GRM5: variants seen among roughly 807,000 people sequenced by gnomAD.
GRM5 encodes the protein glutamate metabotropic receptor 5.
GRM5 carries 19 observed loss-of-function variants against 83.1 expected under a neutral mutation model. The observed-to-expected ratio is 0.23, with a 90% confidence interval of 0.16 to 0.34. The LOEUF is 0.34. Among genes scored for constraint, GRM5 ranks in the 10% least tolerant of loss-of-function variants. GRM5 has a pLI of 1.00. For synonymous variants in GRM5, 675 were observed against 633.6 expected (o/e 1.07, Z -0.98); for missense variants, 1,160 against 1,588.3 (o/e 0.73, Z 4.58).
rs71470773 is a variant in GRM5 at position 88,687,310 on chromosome 11, TA to T, written c.912-33908del. Among the ~76,000 whole-genome samples, 74 of 148,432 alleles carry T rather than the reference TA, an allele frequency of 5.0e-4. 1 individual carries two copies. Among genetic ancestry groups the T allele is most frequent in the African/African-American group, 1.7e-3 (70 of 40,260 alleles). On this transcript the variant is annotated intron_variant, in intron 3 of 9. Coordinates refer to ENST00000305447, the MANE Select transcript of GRM5 (RefSeq NM_001143831.3). ...TAACATGGTGAAACCCTGTCTCTACTAAAAAAAATACAAAAAATTAGCCGGG... is the reference window on the plus strand; with the variant it reads ...TAACATGGTGAAACCCTGTCTCTACTAAAAAAATACAAAAAATTAGCCGGG...
intron 2 of GRM5, among the ~76,000 whole-genome samples, chr11:88,878,869 C>T (rs1944902461): frequency 1.3e-5 from 2 of 152,060 alleles, no homozygotes. Context: ...CCATTTAGGG[C>T]TTTCTGGAAA....
At chr11:89,022,486 C>CAAAA (rs10573194) in intron 2 of GRM5, among the ~76,000 whole-genome samples, 5 of 126,062 alleles carry the variant, frequency 4.0e-5, no homozygotes, top group African/African-American at 1.4e-4. Context: ...ACTAAAAATA[C>CAAAA]AAAAAAAAAA....
intron 3 of GRM5, among the ~76,000 whole-genome samples, chr11:88,736,442 A>C (rs1463412345): frequency 6.6e-6 from 1 of 152,040 alleles, no homozygotes; most frequent in Non-Finnish European, 1.5e-5. Flanking sequence ...CTAGATGTGT[A>C]TATCTTAGTC....
chr11:88,737,273 T>C (rs891136088), intron 3 of GRM5, among the ~76,000 whole-genome samples: 1 of 152,082 alleles, frequency 6.6e-6, no homozygotes, highest in Non-Finnish European at 1.5e-5. Context: ...GGTCTCAACC[T>C]TTTCACAGAC....
intron 2 of GRM5, among the ~76,000 whole-genome samples, chr11:89,039,278 A>AATATAT (rs201313831): frequency 1.3e-5 from 2 of 149,092 alleles, no homozygotes; most frequent in Non-Finnish European, 3.0e-5. Flanking sequence ...ATAAAAAAAA[A>AATATAT]ATATATATAT....
At chr11:88,722,084 T>C (rs1320304058) in intron 3 of GRM5, among the ~76,000 whole-genome samples, 3 of 152,138 alleles carry the variant, frequency 2.0e-5, no homozygotes, top group South Asian at 2.1e-4. Flanking sequence ...AAATATCAAA[T>C]AATGGAATAT....
At chr11:88,944,149 G>T (rs1047042553) in intron 2 of GRM5, among the ~76,000 whole-genome samples, 1 of 151,914 alleles carries the variant, frequency 6.6e-6, no homozygotes, top group Non-Finnish European at 1.5e-5. Flanking sequence ...GGGGAAATGA[G>T]AATTTTACTC....
At chr11:88,791,763 A>T (rs924583036) in intron 3 of GRM5, among the ~76,000 whole-genome samples, 3 of 152,158 alleles carry the variant, frequency 2.0e-5, no homozygotes, top group Non-Finnish European at 4.4e-5. Context: ...TTGTGGCATA[A>T]TCAGTATTGA....
At chr11:88,742,163 T>A (rs1020524292) in intron 3 of GRM5, among the ~76,000 whole-genome samples, 1 of 151,990 alleles carries the variant, frequency 6.6e-6, no homozygotes, top group Non-Finnish European at 1.5e-5. Flanking sequence ...CTGCAGAAGA[T>A]CTAGGTGGTC....
At chr11:88,902,488 GA>G (rs1352454526) in intron 2 of GRM5, among the ~76,000 whole-genome samples, 1 of 152,066 alleles carries the variant, frequency 6.6e-6, no homozygotes, top group African/African-American at 2.4e-5. Context: ...GTTAAATGAA[GA>G]GTAAGAAAAT....
rs1276631811 is a variant in GRM5, at chr11:88,919,255, TATC to T, written c.662-69103_662-69101del. On this transcript the variant is annotated intron_variant, in intron 2 of 9. Coordinates refer to ENST00000305447, the MANE Select transcript of GRM5 (RefSeq NM_001143831.3). ...AGGAGTAGCTATATATATATATATA[TATC>T]GGATAAAATAGATTTTAAGACAATA... Among the ~76,000 whole-genome samples, 126 of 96,860 alleles carry T rather than the reference TATC, an allele frequency of 1.3e-3. 29 individuals carry two copies. In the East Asian group the frequency reaches 0.022, roughly 17 times the overall value. 63.5% of individuals were successfully genotyped at this position (96,860 alleles called of 152,430 possible).
intron 9 of GRM5, among the ~76,000 whole-genome samples, chr11:88,513,931 AG>A (rs561230556): frequency 0.014 from 1,067 of 75,804 alleles, 14 homozygotes; most frequent in African/African-American, 0.057. Flanking sequence ...ATTTAGGCTG[AG>A]ATTTTTTTTT....
At chr11:88,928,907 T>TATATATATATACAC (rs369951090) in intron 2 of GRM5, among the ~76,000 whole-genome samples, 12,192 of 138,560 alleles carry the variant, frequency 0.088, 785 homozygotes, top group Non-Finnish European at 0.13. Flanking sequence ...TATGTGTATA[T>TATATATATATACAC]ACACACACAC....
At chr11:88,856,347 A>G (rs899062565) in intron 2 of GRM5, among the ~76,000 whole-genome samples, 14 of 152,084 alleles carry the variant, frequency 9.2e-5, no homozygotes, top group Non-Finnish European at 1.9e-4. Context: ...AGACACAAAC[A>G]AACATATTAA....
chr11:88,831,067 G>A (rs1943983843), intron 3 of GRM5, among the ~76,000 whole-genome samples: 1 of 151,722 alleles, frequency 6.6e-6, no homozygotes, highest in Non-Finnish European at 1.5e-5. Context: ...TTCTGAGTGG[G>A]GACACAGCCA....
At chr11:88,848,086 A>AT (rs1010233515) in intron 3 of GRM5, among the ~76,000 whole-genome samples, 3 of 151,874 alleles carry the variant, frequency 2.0e-5, no homozygotes, top group African/African-American at 4.8e-5. Context: ...TTAAAGCTAG[A>AT]TTTTTTTTCT....
At chr11:89,024,445 C>A (rs1295483600) in intron 2 of GRM5, among the ~76,000 whole-genome samples, 1 of 152,152 alleles carries the variant, frequency 6.6e-6, no homozygotes, top group African/African-American at 2.4e-5. Context: ...TAATTCTGAT[C>A]ATCTACCAAA....
At chr11:89,060,422 A>G (rs995687669) in intron 1 of GRM5, among the ~76,000 whole-genome samples, 2 of 152,148 alleles carry the variant, frequency 1.3e-5, no homozygotes, top group African/African-American at 4.8e-5. Flanking sequence ...AAAGTGACCC[A>G]CAGTGAACAC....
chr11:88,981,181 G>C (rs1326183440), intron 2 of GRM5, among the ~76,000 whole-genome samples: 1 of 152,092 alleles, frequency 6.6e-6, no homozygotes, highest in Non-Finnish European at 1.5e-5. Context: ...ATCAATATAT[G>C]CACGTGTTTG....
Sources: gnomAD v4.1 joint callset for allele counts (sites outside exome capture counted in the v4.1 genomes callset) on GRCh38, gnomAD v4.1.1 for gene constraint, MANE v1.5 for transcripts, NCBI Gene and HGNC (gene_info 2026-07-23, HGNC 2026-07-21) for gene names.